PAPPA2: variants seen among roughly 807,000 people sequenced by gnomAD.
PAPPA2 encodes the protein pappalysin 2.
Under a neutral mutation model 176.4 loss-of-function variants are expected in PAPPA2, and 86 were observed. That is an observed-to-expected ratio of 0.49 (90% CI 0.41 to 0.58). The LOEUF (loss-of-function observed/expected upper bound fraction) is 0.58. Ranked by LOEUF, PAPPA2 falls within the 20% of genes least tolerant of loss-of-function variation. The pLI, the probability that PAPPA2 is intolerant of heterozygous loss-of-function variation, is 0.00. For synonymous variants in PAPPA2, 809 were observed against 852.2 expected, an observed-to-expected ratio of 0.95 and a Z score of 0.88; for missense variants, 2,073 against 2,256.9, an observed-to-expected ratio of 0.92 and a Z score of 1.65.
chr1:176,760,186 T>A (rs545815645), intron 14 of PAPPA2, among the ~76,000 whole-genome samples: 4 of 152,376 alleles, frequency 2.6e-5, no homozygotes, highest in African/African-American at 9.6e-5. Flanking sequence ...TAGCCATGAA[T>A]TTATAATCAG....
intron 8 of PAPPA2, among the ~76,000 whole-genome samples, chr1:176,700,864 C>T (rs1186991838): frequency 6.6e-6 from 1 of 152,106 alleles, no homozygotes; most frequent in Non-Finnish European, 1.5e-5. Context: ...AAAATGTCCA[C>T]CTTGAGCTTC....
chr1:176,698,065 C>A (rs1038377270), intron 7 of PAPPA2, among the ~76,000 whole-genome samples: 1 of 151,706 alleles, frequency 6.6e-6, no homozygotes, highest in Non-Finnish European at 1.5e-5. Context: ...TGCAGTTTTT[C>A]CCTGCAGCTA....
chr1:176,594,663 G>A lies in PAPPA2; in HGVS notation c.1059G>A (p.Leu353=). 1 of 1,614,200 alleles carries A rather than the reference G, an allele frequency of 6.2e-7. No individual in the cohort carries two copies. Among genetic ancestry groups the A allele is most frequent in the Non-Finnish European group, 8.5e-7 (1 of 1,180,042 alleles). ...ACCGCGTGAAGAAAGCCACCATCTTGATTAGCCACAGTCGCTACCAACCAG... is the reference window on the plus strand; with the variant it reads ...ACCGCGTGAAGAAAGCCACCATCTTAATTAGCCACAGTCGCTACCAACCAG... The part of the protein sequence containing the change: ...CTDRVKKATI[L]ISHSRYQPGT... The change falls in exon 3 of 23, where the codon TTG becomes TTA. Residue 353 remains leucine, a synonymous_variant. Coordinates refer to ENST00000367662, the MANE Select transcript of PAPPA2 (RefSeq NM_020318.3).
intron 1 of PAPPA2, among the ~76,000 whole-genome samples, chr1:176,467,227 A>G (rs1232418043): frequency 6.6e-6 from 1 of 152,238 alleles, no homozygotes; most frequent in Admixed American, 6.5e-5. Context: ...GAAAAAGAAT[A>G]GTAAAAATAT....
In PAPPA2 at chr1:176,710,176, A is replaced by G. The variant is rs991782858; in HGVS notation, c.3651A>G (p.Leu1217=). The G allele has an allele frequency of 4.3e-6, 7 of 1,612,770 alleles. No homozygotes were observed. The African/African-American group carries it at 8.0e-5, about 18-fold the overall frequency. Residue 1217 remains leucine (L), a splice_region_variant and synonymous_variant, in exon 11 of 23, where the codon CTA becomes CTG. Transcript: ENST00000367662. The part of the protein sequence containing the change: ...VSLVTGEPHS[L]ICTSYHPDLP... ...TGGTAACTGGAGAACCTCATTCCCT[A>G]GTAAGTTAAGCCAGATGAATAGAGT...
chr1:176,741,755 G>T (rs1432117635), intron 14 of PAPPA2, among the ~76,000 whole-genome samples: 1 of 152,160 alleles, frequency 6.6e-6, no homozygotes, highest in Non-Finnish European at 1.5e-5. Context: ...TAGTTCATCT[G>T]CAACTTTAAA....
chr1:176,599,538 G>A, intron 3 of PAPPA2, among the ~76,000 whole-genome samples: 1 of 141,346 alleles, frequency 7.1e-6, no homozygotes, highest in South Asian at 2.2e-4. Context: ...ATTTCTTTGA[G>A]TCTATCTTTC....
intron 1 of PAPPA2, among the ~76,000 whole-genome samples, chr1:176,465,941 A>C (rs988066224): frequency 6.6e-6 from 1 of 152,052 alleles, no homozygotes; most frequent in Non-Finnish European, 1.5e-5. Context: ...TTGTCTTATC[A>C]GACTTTTTGT....
chr1:176,710,358 C>T (rs765243308), intron 11 of PAPPA2, among the ~76,000 whole-genome samples, 182 bp downstream of exon 11: 8 of 152,172 alleles, frequency 5.3e-5, no homozygotes, highest in African/African-American at 9.7e-5. Flanking sequence ...GGACAAGTCA[C>T]TTAACCTCTC....
Position 176,765,852 on chromosome 1 carries a change from C to T in PAPPA2, c.4323+15C>T. On this transcript the variant is annotated intron_variant, in intron 15 of 22. Transcript: ENST00000367662. The stretch of plus-strand genomic sequence containing the variant: ...GGCCCATGCAGGTGAGTTGAAAGAA[C>T]ACTATCACCAGGACCAAGTTCCTGG... The T allele has an allele frequency of 5.0e-6, 8 of 1,611,558 alleles. No homozygotes were observed. Among genetic ancestry groups the T allele is most frequent in the Non-Finnish European group, 6.8e-6 (8 of 1,178,880 alleles).
At chr1:176,806,673 A>G (rs1226729794) in intron 21 of PAPPA2, among the ~76,000 whole-genome samples, 3 of 152,276 alleles carry the variant, frequency 2.0e-5, no homozygotes, top group African/African-American at 7.2e-5. Flanking sequence ...GACAGATAAA[A>G]TTCATCTCTT....
At chr1:176,522,746 T>C (rs1649280939) in intron 1 of PAPPA2, among the ~76,000 whole-genome samples, 1 of 152,228 alleles carries the variant, frequency 6.6e-6, no homozygotes, top group Non-Finnish European at 1.5e-5. Context: ...GATGATGTCC[T>C]GGTAGGTGCC....
At chr1:176,520,753 T>A (rs10913192) in intron 1 of PAPPA2, among the ~76,000 whole-genome samples, 16,301 of 152,088 alleles carry the variant, frequency 0.11, 918 homozygotes, top group Middle Eastern at 0.19. Flanking sequence ...AAGACTGATT[T>A]AGTGGACTGG....
chr1:176,644,465 A>G (rs1326390200), intron 3 of PAPPA2, among the ~76,000 whole-genome samples: 3 of 151,836 alleles, frequency 2.0e-5, no homozygotes, highest in African/African-American at 7.3e-5. Flanking sequence ...AAAAGGAGTT[A>G]CGTATGGATA....
intron 21 of PAPPA2, among the ~76,000 whole-genome samples, chr1:176,819,848 C>G (rs879688001): frequency 3.3e-5 from 5 of 152,222 alleles, no homozygotes; most frequent in African/African-American, 7.2e-5. Flanking sequence ...AGCTTAAAGC[C>G]TGGAACTAGT....
intron 15 of PAPPA2, among the ~76,000 whole-genome samples, chr1:176,767,767 A>G (rs1415160163): frequency 1.3e-5 from 2 of 152,162 alleles, no homozygotes; most frequent in African/African-American, 2.4e-5. Context: ...TGCCAACCAC[A>G]TGGCACAGTC....
chr1:176,587,592 G>T (rs1226523491), intron 2 of PAPPA2, among the ~76,000 whole-genome samples: 1 of 152,156 alleles, frequency 6.6e-6, no homozygotes, highest in Non-Finnish European at 1.5e-5. Context: ...TGATCAGATG[G>T]TTGTAGATGT....
At chr1:176,643,855 C>T (rs1657239677) in intron 3 of PAPPA2, among the ~76,000 whole-genome samples, 1 of 151,828 alleles carries the variant, frequency 6.6e-6, no homozygotes, top group African/African-American at 2.4e-5. Context: ...CCAGAGAGAA[C>T]ACAGGCTCTG....
At chr1:176,735,322 T>G (rs1288967768) in intron 12 of PAPPA2, among the ~76,000 whole-genome samples, 1 of 152,066 alleles carries the variant, frequency 6.6e-6, no homozygotes, top group East Asian at 1.9e-4. Context: ...GTGCCATAGA[T>G]GAGTGAAAAT....
Sources: allele counts gnomAD v4.1 joint callset (sites outside exome capture counted in the v4.1 genomes callset), GRCh38; gene constraint gnomAD v4.1.1; transcripts MANE v1.5; gene names NCBI Gene and HGNC (gene_info 2026-07-23, HGNC 2026-07-21).